The following TRIML1 variants were observed in gnomAD, a reference collection of about 807,000 sequenced individuals.
The protein encoded by TRIML1 is tripartite motif family like 1, also known as probable E3 ubiquitin-protein ligase TRIML1.
A neutral mutation model predicts 32.3 loss-of-function variants in TRIML1; 34 were observed. The ratio of observed to expected loss-of-function variants is 1.05; its 90% CI spans 0.80 to 1.40. The LOEUF (loss-of-function observed/expected upper bound fraction) is 1.40, where lower values mean the gene tolerates loss of function less well. Ranked by LOEUF, TRIML1 falls within the 40% of genes most tolerant of loss-of-function variation. The probability of loss-of-function intolerance (pLI) is 0.00; values close to 1 mark genes in which losing one functional copy is unlikely to be tolerated. For synonymous variants in TRIML1, 244 were observed against 226.6 expected, an observed-to-expected ratio of 1.08 and a Z score of -0.69; for missense variants, 595 against 574.9, an observed-to-expected ratio of 1.03 and a Z score of -0.36.
rs1734816033 is a variant in TRIML1 at position 188,140,553 on chromosome 4, T to G, written c.434T>G (p.Leu145Arg). Reference protein sequence around the residue: ...HREKLQEILNLLRVRRKEAQA... With the variant: ...HREKLQEILNRLRVRRKEAQA... Reference sequence around the variant, plus strand: ...GAGAAACTCCAGGAAATCCTGAATCTTTTGCGTGTAAGGAGAAAGGAAGCT... The same window carrying G: ...GAGAAACTCCAGGAAATCCTGAATCGTTTGCGTGTAAGGAGAAAGGAAGCT... Residue 145 changes from leucine (L) to arginine (R), a missense_variant, in exon 2 of 6, where the codon CTT becomes CGT. Coordinates refer to ENST00000332517, the MANE Select transcript of TRIML1 (RefSeq NM_178556.5). 1 of 1,613,998 alleles carries G rather than the reference T, an allele frequency of 6.2e-7. No homozygotes were observed.
At chr4:188,145,065 A>C (rs576854611) in intron 5 of TRIML1, among the ~76,000 whole-genome samples, 36 of 152,202 alleles carry the variant, frequency 2.4e-4, no homozygotes, top group African/African-American at 7.7e-4. Context: ...TAGAATTTTC[A>C]ATGAAATTGA....
chr4:188,144,538 A>AT lies in TRIML1; in HGVS notation c.856+410dup, dbSNP rs1359881324. 2.2e-5 allele frequency among the ~76,000 whole-genome samples: 3 copies of AT among 138,380 alleles called. 1 individual carries two copies. The highest frequency in any genetic ancestry group is 7.8e-5 in the African/African-American group (3 of 38,666). 90.8% of individuals were successfully genotyped at this position (138,380 alleles called of 152,430 possible). A position where few individuals can be genotyped will look rare whatever the true frequency, so the allele number is the denominator to read the frequency against. ...CCACCACGCCTGGGTAATTTTTTGT[A>AT]TTTTTAGTACAGACGGGGTTTCACT... On this transcript the variant is annotated intron_variant, in intron 5 of 5. Coordinates refer to ENST00000332517, the MANE Select transcript of TRIML1 (RefSeq NM_178556.5).
downstream of TRIML1, among the ~76,000 whole-genome samples, chr4:188,148,571 G>A (rs953746183): frequency 1.3e-5 from 2 of 152,048 alleles, no homozygotes; most frequent in African/African-American, 4.8e-5. Context: ...TCTGCATTAG[G>A]CTCGCTGTCT....
At chr4:188,140,789 G>T in intron 2 of TRIML1, 166 bp downstream of exon 2, 1 of 579,476 alleles carries the variant, frequency 1.7e-6, no homozygotes, top group Non-Finnish European at 3.1e-6. Context: ...GTCCTCGTGG[G>T]AGTCTCAAGG....
At position 188,142,175 on chromosome 4, in the gene TRIML1, A is replaced by T. The variant is rs567410257; in HGVS notation, c.505-77A>T. 5.7e-6 allele frequency: 6 copies of T among 1,050,086 alleles called. No homozygotes were observed. The East Asian group carries it at 1.2e-4, about 21-fold the overall frequency. The allele number at this position is 1,050,086 out of a possible 1,614,324, so 65.0% of individuals were successfully genotyped here. A position where few individuals can be genotyped will look rare whatever the true frequency, so the allele number is the denominator to read the frequency against. On this transcript the variant is annotated intron_variant, in intron 2 of 5. Coordinates refer to ENST00000332517, the MANE Select transcript of TRIML1 (RefSeq NM_178556.5). ...GGACTTGTAAGGATTAAAAATCTAC[A>T]GACAAGGGCATTTCTCTTACTAACT... is the stretch of plus-strand genomic sequence containing the variant.
At chr4:188,140,841 A>C in intron 2 of TRIML1, 2 of 464,934 alleles carry the variant, frequency 4.3e-6, no homozygotes. Flanking sequence ...CCTTTGCATA[A>C]CTAGACAACG....
At chr4:188,143,978 C>T (rs541704429) in intron 4 of TRIML1, 58 bp from the exon 5 acceptor site, 2 of 1,606,324 alleles carry the variant, frequency 1.2e-6, no homozygotes, top group South Asian at 2.2e-5. Context: ...GTGGACTCTC[C>T]AGCTGGAGCA....
intron 5 of TRIML1, among the ~76,000 whole-genome samples, chr4:188,145,441 CAAAAAAAAAAAAAAAAAAAAA>C (rs869253721): frequency 8.7e-5 from 3 of 34,320 alleles, no homozygotes; most frequent in Non-Finnish European, 1.4e-4. Flanking sequence ...GACTCCGTCT[CAAAAAAAAAAAAAAAAAAAAA>C]AAAAAAAAAA....
downstream of TRIML1, among the ~76,000 whole-genome samples, chr4:188,149,576 G>A (rs763129299): frequency 3.9e-4 from 60 of 152,070 alleles, no homozygotes; most frequent in Non-Finnish European, 6.9e-4. Flanking sequence ...CACTCTATAC[G>A]TTTCAATCTT....
chr4:188,138,381 G>C (rs192976022), upstream of TRIML1, among the ~76,000 whole-genome samples: 1 of 152,258 alleles, frequency 6.6e-6, no homozygotes, highest in African/African-American at 2.4e-5. Flanking sequence ...TGCCAAGCTG[G>C]AGAGTGAGGG....
At chr4:188,140,810 A>C in intron 2 of TRIML1, 187 bp downstream of exon 2, 1 of 551,124 alleles carries the variant, frequency 1.8e-6, no homozygotes, top group Non-Finnish European at 3.2e-6. Flanking sequence ...CTCAGCTGCA[A>C]TTCGCCCCCT....
rs772033743 is a variant in TRIML1, at chr4:188,139,828, T to C, written c.270T>C (p.Asp90=). 41 of 1,613,752 alleles carry C rather than the reference T, an allele frequency of 2.5e-5. No individual in the cohort carries two copies. Among genetic ancestry groups the C allele is most frequent in the Non-Finnish European group, 3.3e-5 (39 of 1,180,028 alleles). ...QLRSQVLQSE[D]EQGSYGRMPT... ...GGTCCCAGGTGCTGCAGAGCGAGGATGAGCAGGGCAGCTACGGGAGGATGC... is the reference window on the plus strand; with the variant it reads ...GGTCCCAGGTGCTGCAGAGCGAGGACGAGCAGGGCAGCTACGGGAGGATGC... The change falls in exon 1 of 6, where the codon GAT becomes GAC. Residue 90 remains aspartate (D), a synonymous_variant. Coordinates refer to ENST00000332517, the MANE Select transcript of TRIML1 (RefSeq NM_178556.5).
At chr4:188,149,515 A>G (rs1198175777), downstream of TRIML1, among the ~76,000 whole-genome samples, 3 of 152,114 alleles carry the variant, frequency 2.0e-5, no homozygotes, top group Non-Finnish European at 1.5e-5. Flanking sequence ...AAGAGGGTTT[A>G]CTGTAGGGTG....
chr4:188,147,318 TGA>T lies in TRIML1; in HGVS notation c.1355_1356del (p.Glu452GlyfsTer22). The T allele has an allele frequency of 6.5e-7, 1 of 1,534,582 alleles. No homozygotes were observed. Among genetic ancestry groups the T allele is most frequent in the Non-Finnish European group, 8.7e-7 (1 of 1,142,924 alleles). On this transcript the variant is annotated frameshift_variant, in exon 6 of 6. Coordinates refer to ENST00000332517, the MANE Select transcript of TRIML1 (RefSeq NM_178556.5). LOFTEE classifies it high-confidence loss of function. ...CTATCTTTTCCCCCTGCCTCCCAAA[TGA>T]GGGGACAAACACAGACCCTCTCACC... is the stretch of plus-strand genomic sequence containing the variant. ...RPIFSPCLPN[E>X]GTNTDPLTIC...
In TRIML1 at chr4:188,142,231, TG is replaced by T; in HGVS notation, c.505-20del. 7.0e-7 allele frequency: 1 copy of T among 1,436,934 alleles called. No homozygotes were observed. The highest frequency in any genetic ancestry group is 9.7e-7 in the Non-Finnish European group (1 of 1,027,744). The allele number at this position is 1,436,934 out of a possible 1,614,324, so 89.0% of individuals were successfully genotyped here. ...TCGTGTGTGTGTGTGTGTGTGTGTG[TG>T]TGTGTGTGTGTTTTGGCAGGAAGAA... On this transcript the variant is annotated intron_variant, in intron 2 of 5. Coordinates refer to ENST00000332517, the MANE Select transcript of TRIML1 (RefSeq NM_178556.5).
rs776654046 is a variant in TRIML1, at chr4:188,139,898, G to A, written c.340G>A (p.Ala114Thr). ...CTCCGATGACGAGCAGGGTGGAAGC[G>A]CCTTCGTAGCCCAGAGCCATGGTGC... ...ALSDDEQGGS[A>T]FVAQSHGANR... Residue 114 changes from alanine to threonine, a missense_variant, in exon 1 of 6, where the codon GCC (alanine) becomes ACC (threonine). Coordinates refer to ENST00000332517, the MANE Select transcript of TRIML1 (RefSeq NM_178556.5). The A allele has an allele frequency of 1.5e-5, 24 of 1,613,696 alleles. No individual in the cohort carries two copies. The highest frequency in any genetic ancestry group is 3.3e-4 in the Middle Eastern group (2 of 6,082).
chr4:188,150,266 C>T (rs962158665), downstream of TRIML1, among the ~76,000 whole-genome samples: 2 of 151,734 alleles, frequency 1.3e-5, no homozygotes, highest in Admixed American at 6.6e-5. Flanking sequence ...AGCTTAATCC[C>T]CATAGGCATG....
intron 1 of TRIML1, 123 bp from the exon 2 acceptor site, chr4:188,140,405 A>C (rs1734808665): frequency 1.4e-6 from 1 of 723,282 alleles, no homozygotes; most frequent in East Asian, 2.7e-5. Flanking sequence ...TACAGGCGTG[A>C]GGCGCCGCAC....
downstream of TRIML1, among the ~76,000 whole-genome samples, chr4:188,150,380 C>G (rs1735219868): frequency 6.6e-6 from 1 of 152,144 alleles, no homozygotes; most frequent in Non-Finnish European, 1.5e-5. Context: ...CCACCCGCCT[C>G]AGCCTCCCAA....
Sources: allele counts gnomAD v4.1 joint callset (sites outside exome capture counted in the v4.1 genomes callset), GRCh38; gene constraint gnomAD v4.1.1; transcripts MANE v1.5; gene names NCBI Gene and HGNC (gene_info 2026-07-23, HGNC 2026-07-21).